NOL9: variants seen among roughly 807,000 people sequenced by gnomAD.
NOL9 encodes the protein nucleolar protein 9, also known as polynucleotide 5'-hydroxyl-kinase NOL9.
Under a neutral mutation model 67.9 loss-of-function variants are expected in NOL9, and 28 were observed. That is an observed-to-expected ratio of 0.41 (90% CI 0.31 to 0.57). The LOEUF (loss-of-function observed/expected upper bound fraction) is 0.57, where lower values mean the gene tolerates loss of function less well. Ranked by LOEUF, NOL9 falls within the 20% of genes least tolerant of loss-of-function variation. NOL9 has a pLI of 0.25. For synonymous variants in NOL9, 356 were observed against 352.2 expected, an observed-to-expected ratio of 1.01 and a Z score of -0.12; for missense variants, 777 against 897.0, an observed-to-expected ratio of 0.87 and a Z score of 1.71.
chr1:6,531,808 A>G (rs1044964739), intron 9 of NOL9, among the ~76,000 whole-genome samples, 160 bp downstream of exon 9: 9 of 152,138 alleles, frequency 5.9e-5, no homozygotes, highest in Non-Finnish European at 7.4e-5. Flanking sequence ...CAGGTTCCCC[A>G]TCTGTAAAGT....
chr1:6,525,415 G>A lies in NOL9; in HGVS notation c.*439C>T, dbSNP rs578066670. 1.6e-5 allele frequency: 3 copies of A among 190,310 alleles called. No homozygotes were observed. Among genetic ancestry groups the A allele is most frequent in the Admixed American group, 1.1e-4 (2 of 18,808 alleles). The allele number at this position is 190,310 out of a possible 1,614,324, so 11.8% of individuals were successfully genotyped here. On this transcript the variant is annotated 3_prime_UTR_variant, in exon 12 of 12. Transcript: ENST00000377705. ...AAGCAGACCGCTGGACCCCAGCTCTGCACATGGCTCAGGCAAGGCCCGTGG... is the reference window on the plus strand; with the variant it reads ...AAGCAGACCGCTGGACCCCAGCTCTACACATGGCTCAGGCAAGGCCCGTGG...
chr1:6,547,319 T>C lies in NOL9; in HGVS notation c.745-2139A>G, dbSNP rs114734489. ...TACCAGGCATCTCAAGGTTAACAAA[T>C]GGAAACCCACTCCTCCTGCAGTGAC... On this transcript the variant is annotated intron_variant, in intron 3 of 11. Transcript: ENST00000377705. Among the ~76,000 whole-genome samples, 243 of 152,134 alleles carry C rather than the reference T, an allele frequency of 1.6e-3. 1 individual carries two copies. Among genetic ancestry groups the C allele is most frequent in the African/African-American group, 5.6e-3 (234 of 41,526 alleles).
At chr1:6,554,028 T>C in intron 1 of NOL9, 79 bp downstream of exon 1, 4 of 1,252,712 alleles carry the variant, frequency 3.2e-6, no homozygotes, top group Non-Finnish European at 4.3e-6. Context: ...CACGGTCCTC[T>C]CCTACCCTGC....
At chr1:6,548,138 CTTTTTT>C (rs201835857) in intron 3 of NOL9, 4 of 101,888 alleles carry the variant, frequency 3.9e-5, no homozygotes, top group Admixed American at 1.2e-4. Flanking sequence ...ACTTAAAGTT[CTTTTTT>C]TTTTTTTTTT....
rs372182453 is a variant in NOL9 at position 6,525,818 on chromosome 1, G to A, written c.*36C>T. 7 of 1,610,342 alleles carry A rather than the reference G, an allele frequency of 4.3e-6. No homozygotes were observed. The African/African-American group carries it at 9.4e-5, about 22-fold the overall frequency. Reference sequence around the variant, plus strand: ...GTCAGGCTTGAGACAAAGCTTTCTGGTAGGAAAGTTTCTTCCCTTATTAAA... The same window carrying A: ...GTCAGGCTTGAGACAAAGCTTTCTGATAGGAAAGTTTCTTCCCTTATTAAA... On this transcript the variant is annotated 3_prime_UTR_variant, in exon 12 of 12. Transcript: ENST00000377705.
At chr1:6,526,113 G>T in intron 11 of NOL9, 110 bp from the exon 12 acceptor site, 1 of 963,698 alleles carries the variant, frequency 1.0e-6, no homozygotes, top group Non-Finnish European at 1.6e-6. Flanking sequence ...GTCTGGGTGG[G>T]GACTTCTCAC....
chr1:6,532,645 A>G lies in NOL9; in HGVS notation c.1353T>C (p.Asp451=). Residue 451 remains aspartate (D), a synonymous_variant, in exon 8 of 12, where the codon GAT becomes GAC. Coordinates refer to ENST00000377705, the MANE Select transcript of NOL9 (RefSeq NM_024654.5). Reference sequence around the variant, plus strand: ...TTTTTGTGTACAAGCCATCCATGTCATCTACATACTGCGGGGTAAGGTCTG... The same window carrying G: ...TTTTTGTGTACAAGCCATCCATGTCGTCTACATACTGCGGGGTAAGGTCTG... ...YMPDLTPQYV[D]DMDGLYTKSK... is the part of the protein sequence containing the mutation. 1.2e-6 allele frequency: 2 copies of G among 1,614,194 alleles called. No individual in the cohort carries two copies. The highest frequency in any genetic ancestry group is 2.2e-5 in the South Asian group (2 of 91,082).
intron 3 of NOL9, among the ~76,000 whole-genome samples, chr1:6,545,692 G>C (rs1247467978): frequency 1.3e-5 from 2 of 152,166 alleles, no homozygotes; most frequent in Non-Finnish European, 2.9e-5. Flanking sequence ...CCACAGAAGA[G>C]GATGAAGGAA....
In NOL9 at chr1:6,553,861, G is replaced by C. The variant is rs147966679; in HGVS notation, c.396+246C>G. The stretch of plus-strand genomic sequence containing the variant: ...TGTCTCAAAAAGAAAAAGAAAGAAA[G>C]AAAACAAAACAAAATAAAGTCCCTT... On this transcript the variant is annotated intron_variant, in intron 1 of 11. Transcript: ENST00000377705. 3.3e-5 allele frequency among the ~76,000 whole-genome samples: 4 copies of C among 121,720 alleles called. No homozygotes were observed. The South Asian group carries it at 8.2e-4, about 25-fold the overall frequency. The allele number at this position is 121,720 out of a possible 152,430, so 79.9% of individuals were successfully genotyped here.
intron 6 of NOL9, among the ~76,000 whole-genome samples, chr1:6,540,671 C>A (rs1254021819): frequency 6.6e-6 from 1 of 151,920 alleles, no homozygotes; most frequent in Middle Eastern, 3.2e-3. Context: ...ACTAAAAATA[C>A]AAAAATTAGC....
At chr1:6,538,410 C>T (rs1291490944) in intron 6 of NOL9, among the ~76,000 whole-genome samples, 4 of 152,196 alleles carry the variant, frequency 2.6e-5, no homozygotes, top group Admixed American at 6.6e-5. Context: ...CCGTGGCTCA[C>T]GCCTGTAATC....
intron 9 of NOL9, among the ~76,000 whole-genome samples, chr1:6,530,764 T>C (rs1268375617): frequency 6.6e-6 from 1 of 152,212 alleles, no homozygotes; most frequent in Non-Finnish European, 1.5e-5. Flanking sequence ...GTCTTAGCCT[T>C]TCTCTCACAG....
Position 6,526,807 on chromosome 1 carries a change from CATGTCAATGCCTCTACAG to C in NOL9, c.1830_1847del (p.Ile610_Asp615del). The stretch of plus-strand genomic sequence containing the variant: ...TGAGGATGTGGTACAGCCGCTTCTC[CATGTCAATGCCTCTACAG>C]ATGCCTTCAAGACACGCGCACAACA... On this transcript the variant is annotated inframe_deletion, in exon 11 of 12. Coordinates refer to ENST00000377705, the MANE Select transcript of NOL9 (RefSeq NM_024654.5). 5 of 1,611,934 alleles carry C rather than the reference CATGTCAATGCCTCTACAG, an allele frequency of 3.1e-6. No individual in the cohort carries two copies. The highest frequency in any genetic ancestry group is 4.2e-6 in the Non-Finnish European group (5 of 1,178,874).
chr1:6,548,507 G>A (rs946939495), intron 3 of NOL9: 6 of 265,014 alleles, frequency 2.3e-5, no homozygotes, highest in Admixed American at 7.4e-5. Context: ...AGCCTACGGT[G>A]GTTCCATGCG....
Position 6,545,138 on chromosome 1 carries a change from A to G in NOL9, c.787T>C (p.Ser263Pro). The part of the protein sequence containing the change: ...QIKPEYLALR[S>P]VGIRREKKRK... ...TTTTTCTCTCTTCTGATGCCAACAG[A>G]CCTCAAGGCTAAATATTCAGGTTTA... The change falls in exon 4 of 12, where the codon TCT becomes CCT. Residue 263 changes from serine to proline, a missense_variant. This residue lies in a region of NOL9 where 413 missense variants were observed against 552.6 expected (regional missense o/e 0.75). Coordinates refer to ENST00000377705, the MANE Select transcript of NOL9 (RefSeq NM_024654.5). 6.2e-7 allele frequency: 1 copy of G among 1,614,066 alleles called. No individual in the cohort carries two copies. The highest frequency in any genetic ancestry group is 1.6e-4 in the Middle Eastern group (1 of 6,062).
chr1:6,549,399 T>C (rs1639491628), intron 3 of NOL9, 172 bp downstream of exon 3: 3 of 662,268 alleles, frequency 4.5e-6, no homozygotes, highest in Non-Finnish European at 7.0e-6. Flanking sequence ...GGATGAACAT[T>C]TTTCACGATA....
chr1:6,530,575 C>G (rs1460206913), intron 9 of NOL9, among the ~76,000 whole-genome samples: 1 of 152,082 alleles, frequency 6.6e-6, no homozygotes, highest in Non-Finnish European at 1.5e-5. Context: ...AAACTAAAAC[C>G]CCATTAGCAA....
chr1:6,532,283 T>G, intron 8 of NOL9, 180 bp downstream of exon 8: 1 of 729,782 alleles, frequency 1.4e-6, no homozygotes, highest in Non-Finnish European at 2.2e-6. Flanking sequence ...AGGGGACACT[T>G]CTGGATATTT....
At chr1:6,543,192 C>T (rs1420078369) in intron 5 of NOL9, among the ~76,000 whole-genome samples, 1 of 114,646 alleles carries the variant, frequency 8.7e-6, no homozygotes, top group Admixed American at 1.2e-4. Flanking sequence ...CGGTGCCCAG[C>T]CTTTTTTTCT....
Sources: gnomAD v4.1 joint callset for allele counts (sites outside exome capture counted in the v4.1 genomes callset) on GRCh38, gnomAD v4.1.1 for gene constraint, gnomAD v4.1.1 regional missense constraint, MANE v1.5 for transcripts, NCBI Gene and HGNC (gene_info 2026-07-23, HGNC 2026-07-21) for gene names.